The following HMGN5 variants were observed in gnomAD, a reference collection of about 807,000 sequenced individuals.
HMGN5 encodes the protein high mobility group nucleosome-binding domain-containing protein 5.
In HMGN5, 4 loss-of-function variants were observed where a neutral mutation model predicts 9.5. The ratio of observed to expected loss-of-function variants is 0.42; its 90% CI spans 0.21 to 0.96. The LOEUF is 0.96. HMGN5 is among the 40% of genes least tolerant of loss of function. The pLI is 0.30. For missense variants in HMGN5, 192 were observed against 187.5 expected, an observed-to-expected ratio of 1.02 and a Z score of -0.14; for synonymous variants, 55 against 57.1, an observed-to-expected ratio of 0.96 and a Z score of 0.16.
In HMGN5 at chrX:81,114,166, T is replaced by A. The variant is rs1043635458; in HGVS notation, c.*483A>T. On this transcript the variant is annotated 3_prime_UTR_variant, in exon 7 of 7. Transcript: ENST00000358130. ...CTGAAATAAACATTTGTATTTATTT[T>A]AAAAATGGGAATACAATTTCATTTT... The A allele has an allele frequency of 3.6e-5, 4 of 112,215 alleles. No homozygotes were observed. Among genetic ancestry groups the A allele is most frequent in the African/African-American group, 1.3e-4 (4 of 30,880 alleles). 9.2% of individuals were successfully genotyped at this position (112,215 alleles called of 1,213,427 possible).
intron 1 of HMGN5, among the ~76,000 whole-genome samples, chrX:81,165,382 A>T (rs1448951150): frequency 1.8e-5 from 2 of 110,942 alleles, no homozygotes; most frequent in Non-Finnish European, 3.8e-5. Flanking sequence ...AGCCTGTTGT[A>T]GTGTATATAA....
At chrX:81,119,659 C>T in intron 3 of HMGN5, 129 bp downstream of exon 3, 1 of 463,788 alleles carries the variant, frequency 2.2e-6, no homozygotes, top group Non-Finnish European at 3.6e-6. Flanking sequence ...TTGAGAGATC[C>T]CACTGGTATA....
intron 1 of HMGN5, among the ~76,000 whole-genome samples, chrX:81,182,855 G>A (rs1426885568): frequency 8.9e-6 from 1 of 112,054 alleles, no homozygotes; most frequent in African/African-American, 3.2e-5. Context: ...AATTGTAGAA[G>A]TGGAACTGGG....
At chrX:81,125,611 TGGTAAAAGTAAATTGAGCTGCTTTCTAGG>T (rs1393558102) in intron 1 of HMGN5, among the ~76,000 whole-genome samples, 1 of 111,805 alleles carries the variant, frequency 8.9e-6, no homozygotes, top group Non-Finnish European at 1.9e-5. Context: ...ATTTTTCCAG[TGGTAAAAGTAAATTGAGCTGCTTTCTAGG>T]GGTAAAAGGA....
At chrX:81,152,108 C>T (rs926483283) in intron 1 of HMGN5, among the ~76,000 whole-genome samples, 1 of 111,246 alleles carries the variant, frequency 9.0e-6, no homozygotes, top group Non-Finnish European at 1.9e-5. Context: ...TCTAAAACAC[C>T]AAAAGCAATG....
intron 1 of HMGN5, among the ~76,000 whole-genome samples, chrX:81,165,661 G>T (rs1364042367): frequency 1.8e-5 from 2 of 111,352 alleles, no homozygotes; most frequent in Non-Finnish European, 3.8e-5. Flanking sequence ...AGCTTGAGAA[G>T]GAAGATCAGG....
intron 1 of HMGN5, 163 bp from the exon 2 acceptor site, chrX:81,121,835 C>T: frequency 7.0e-6 from 2 of 285,028 alleles, no homozygotes; most frequent in Non-Finnish European, 1.2e-5. Flanking sequence ...CGCGAACTTG[C>T]CCGAAGCCCT....
At chrX:81,150,228 A>G (rs1014732528) in intron 1 of HMGN5, among the ~76,000 whole-genome samples, 7 of 111,917 alleles carry the variant, frequency 6.3e-5, no homozygotes, top group African/African-American at 2.3e-4. Context: ...AACACAATGG[A>G]ATAAAATTAG....
At chrX:81,147,031 A>G (rs1183205907) in intron 1 of HMGN5, among the ~76,000 whole-genome samples, 1 of 111,845 alleles carries the variant, frequency 8.9e-6, no homozygotes, top group African/African-American at 3.3e-5. Flanking sequence ...AAAGAAGTCC[A>G]GGACCAGACG....
In HMGN5 at chrX:81,163,236, C is replaced by G. The variant is rs149641862; in HGVS notation, c.-124+38501G>C. On this transcript the variant is annotated intron_variant, in intron 1 of 6. Coordinates refer to ENST00000358130, the MANE Select transcript of HMGN5 (RefSeq NM_030763.3). ...ACATGGAAGTGAGTGAAGCTTTAGA[C>G]AATATTAGCCTTCAGACTTTTGAGT... Among the ~76,000 whole-genome samples, 581 of 112,153 alleles carry G rather than the reference C, an allele frequency of 5.2e-3. 5 individuals carry two copies. Among genetic ancestry groups the G allele is most frequent in the Non-Finnish European group, 7.4e-3 (393 of 53,117 alleles).
At chrX:81,176,332 A>T (rs1319302310) in intron 1 of HMGN5, among the ~76,000 whole-genome samples, 1 of 112,151 alleles carries the variant, frequency 8.9e-6, no homozygotes, top group African/African-American at 3.2e-5. Context: ...GGGAGAAACC[A>T]GAGCAGAAAA....
rs1425536999 is a variant in HMGN5, at chrX:81,153,619, A to C, written c.-123-31947T>G. On this transcript the variant is annotated intron_variant, in intron 1 of 6. Coordinates refer to ENST00000358130, the MANE Select transcript of HMGN5 (RefSeq NM_030763.3). The stretch of plus-strand genomic sequence containing the variant: ...TATATATATATATATATATATATAT[A>C]TATATATATATATATATATATGTAT... Among the ~76,000 whole-genome samples, 175 of 49,275 alleles carry C rather than the reference A, an allele frequency of 3.6e-3. 12 individuals are homozygous for C. The highest frequency in any genetic ancestry group is 0.011 in the African/African-American group (129 of 11,806). 42.8% of individuals were successfully genotyped at this position (49,275 alleles called of 115,157 possible). A position where few individuals can be genotyped will look rare whatever the true frequency, so the allele number is the denominator to read the frequency against.
chrX:81,194,669 C>T (rs150180958), intron 1 of HMGN5, among the ~76,000 whole-genome samples: 5 of 111,611 alleles, frequency 4.5e-5, no homozygotes, highest in South Asian at 3.7e-4. Context: ...AATTCTGGGA[C>T]GACCTTTTGT....
chrX:81,127,516 T>G (rs2075287347), intron 1 of HMGN5, among the ~76,000 whole-genome samples: 1 of 112,034 alleles, frequency 8.9e-6, no homozygotes, highest in Admixed American at 9.5e-5. Flanking sequence ...TGCGATTTTT[T>G]AGATGTCTGT....
chrX:81,148,776 A>C (rs1299343011), intron 1 of HMGN5, among the ~76,000 whole-genome samples: 1 of 111,826 alleles, frequency 8.9e-6, no homozygotes, highest in Non-Finnish European at 1.9e-5. Context: ...AACTTAAACA[A>C]ATTTACAAGA....
At chrX:81,174,383 A>G (rs773887807) in intron 1 of HMGN5, among the ~76,000 whole-genome samples, 1 of 111,701 alleles carries the variant, frequency 9.0e-6, no homozygotes, top group African/African-American at 3.2e-5. Flanking sequence ...ATATTTTCCT[A>G]GAGTACATAA....
At chrX:81,184,377 G>T in intron 1 of HMGN5, among the ~76,000 whole-genome samples, 1 of 111,581 alleles carries the variant, frequency 9.0e-6, no homozygotes, top group East Asian at 2.8e-4. Context: ...CCCAGAAACT[G>T]AGCAGATGCC....
intron 1 of HMGN5, among the ~76,000 whole-genome samples, chrX:81,153,529 G>T (rs1178019881): frequency 1.2e-5 from 1 of 83,505 alleles, no homozygotes; most frequent in African/African-American, 4.5e-5. Flanking sequence ...ACTCCAGCCT[G>T]GGTGACAGAG....
chrX:81,132,440 C>T lies in HMGN5; in HGVS notation c.-123-10768G>A, dbSNP rs776449544. On this transcript the variant is annotated intron_variant, in intron 1 of 6. Coordinates refer to ENST00000358130, the MANE Select transcript of HMGN5 (RefSeq NM_030763.3). ...GCAAAAAGAACAAAGCTGGAGGCAT[C>T]ATGCTACCCGACTTCAAACTATACT... Among the ~76,000 whole-genome samples the T allele has an allele frequency of 5.4e-5, 6 of 111,667 alleles. No homozygotes were observed. The East Asian group carries it at 1.7e-3, about 32-fold the overall frequency.
Sources: allele counts gnomAD v4.1 joint callset (sites outside exome capture counted in the v4.1 genomes callset), GRCh38; gene constraint gnomAD v4.1.1; transcripts MANE v1.5; gene names NCBI Gene and HGNC (gene_info 2026-07-23, HGNC 2026-07-21).